Variants in FAM117B observed in about 807,000 individuals in gnomAD.
FAM117B encodes protein FAM117B.
Under a neutral mutation model 52.8 loss-of-function variants are expected in FAM117B, and 22 were observed. That is an observed-to-expected ratio of 0.42 (90% CI 0.30 to 0.59). The LOEUF (loss-of-function observed/expected upper bound fraction) is 0.59. FAM117B is among the 20% of genes least tolerant of loss of function. FAM117B has a pLI of 0.22. For synonymous variants in FAM117B, 309 were observed against 324.1 expected (o/e 0.95, Z 0.50); for missense variants, 678 against 802.6 (o/e 0.84, Z 1.88).
chr2:202,758,175 T>G (rs931291734), intron 6 of FAM117B, among the ~76,000 whole-genome samples: 2 of 152,226 alleles, frequency 1.3e-5, no homozygotes, highest in African/African-American at 4.8e-5. Flanking sequence ...GTGTGTTGAA[T>G]GTCCTAAAAT....
intron 2 of FAM117B, among the ~76,000 whole-genome samples, chr2:202,707,420 A>G (rs1690888048): frequency 6.6e-6 from 1 of 151,060 alleles, no homozygotes; most frequent in Non-Finnish European, 1.5e-5. Context: ...AAATAGTTTC[A>G]TGGCCAGGCA....
chr2:202,695,574 A>G (rs905620327), intron 1 of FAM117B, among the ~76,000 whole-genome samples: 4 of 152,222 alleles, frequency 2.6e-5, no homozygotes, highest in African/African-American at 4.8e-5. Flanking sequence ...GCCCAAGAGC[A>G]GTGATGCTGG....
chr2:202,673,486 C>T (rs545338713), intron 1 of FAM117B, among the ~76,000 whole-genome samples: 1 of 99,072 alleles, frequency 1.0e-5, no homozygotes, highest in South Asian at 3.5e-4. Flanking sequence ...CTTGCTCTGT[C>T]GTCCAGGCTG....
intron 4 of FAM117B, among the ~76,000 whole-genome samples, chr2:202,737,423 C>T (rs1691456569): frequency 6.6e-6 from 1 of 152,110 alleles, no homozygotes. Flanking sequence ...CCTTTGTATA[C>T]ATGCTTCCCC....
intron 2 of FAM117B, among the ~76,000 whole-genome samples, chr2:202,702,316 G>T (rs1372488260): frequency 6.6e-6 from 1 of 151,960 alleles, no homozygotes; most frequent in African/African-American, 2.4e-5. Flanking sequence ...GCTTGAACCC[G>T]GGAGGCAGAG....
intron 2 of FAM117B, among the ~76,000 whole-genome samples, chr2:202,715,202 C>T (rs1317991218): frequency 7.8e-5 from 11 of 141,552 alleles, no homozygotes; most frequent in East Asian, 2.2e-4. Flanking sequence ...GCTGGCCGGG[C>T]GGGGGCTGAC....
At chr2:202,642,041 C>T (rs1308544836) in intron 1 of FAM117B, among the ~76,000 whole-genome samples, 1 of 150,698 alleles carries the variant, frequency 6.6e-6, no homozygotes, top group Non-Finnish European at 1.5e-5. Flanking sequence ...CTCCCAGGTT[C>T]AAGCCATTCT....
intron 1 of FAM117B, among the ~76,000 whole-genome samples, chr2:202,691,011 C>G (rs2105774434): frequency 6.6e-6 from 1 of 152,254 alleles, no homozygotes. Context: ...AGCACTGGCT[C>G]ACAGGCCCTT....
chr2:202,647,696 G>C (rs1274078745), intron 1 of FAM117B, among the ~76,000 whole-genome samples: 1 of 152,166 alleles, frequency 6.6e-6, no homozygotes, highest in Non-Finnish European at 1.5e-5. Flanking sequence ...ATAGGATCAG[G>C]CTGCAGCAAA....
intron 4 of FAM117B, among the ~76,000 whole-genome samples, chr2:202,737,379 C>G (rs960212383): frequency 6.6e-6 from 1 of 152,132 alleles, no homozygotes; most frequent in African/African-American, 2.4e-5. Context: ...ACCACCACCA[C>G]TATAGTCAAG....
chr2:202,649,513 CTT>C (rs1391081877), intron 1 of FAM117B, among the ~76,000 whole-genome samples: 2 of 152,052 alleles, frequency 1.3e-5, no homozygotes, highest in African/African-American at 4.8e-5. Flanking sequence ...TTTTCTCTCT[CTT>C]ATAAACTTTG....
chr2:202,718,793 G>T (rs1047037959), intron 2 of FAM117B, among the ~76,000 whole-genome samples: 3 of 152,078 alleles, frequency 2.0e-5, no homozygotes, highest in Non-Finnish European at 4.4e-5. Flanking sequence ...CATTTGACTG[G>T]ATGACTCATA....
intron 4 of FAM117B, among the ~76,000 whole-genome samples, chr2:202,741,503 T>C (rs911381899): frequency 1.3e-5 from 2 of 148,948 alleles, no homozygotes; most frequent in Non-Finnish European, 3.0e-5. Flanking sequence ...TATATCTAGT[T>C]GGAAAACCTC....
chr2:202,638,286 C>G (rs1182939345), intron 1 of FAM117B, among the ~76,000 whole-genome samples: 1 of 152,152 alleles, frequency 6.6e-6, no homozygotes, highest in East Asian at 1.9e-4. Context: ...TATAAGTGGG[C>G]AGTAGAGGTG....
At chr2:202,728,476 G>T (rs1691290627) in intron 4 of FAM117B, among the ~76,000 whole-genome samples, 1 of 152,148 alleles carries the variant, frequency 6.6e-6, no homozygotes. Context: ...TTTTGAATTT[G>T]GAATGTTAAT....
chr2:202,718,300 G>A (rs1448607214), intron 2 of FAM117B, among the ~76,000 whole-genome samples: 2 of 152,158 alleles, frequency 1.3e-5, no homozygotes, highest in African/African-American at 4.8e-5. Flanking sequence ...TGGTACCTAA[G>A]GTGCTTTCAG....
chr2:202,697,695 G>A (rs938021955), intron 2 of FAM117B, among the ~76,000 whole-genome samples: 2 of 151,234 alleles, frequency 1.3e-5, no homozygotes, highest in Non-Finnish European at 2.9e-5. Flanking sequence ...GACTACAGGC[G>A]TGCACCACCA....
In FAM117B at chr2:202,726,349, A is replaced by G. The variant is rs763076755; in HGVS notation, c.946A>G (p.Ile316Val). Residue 316 changes from isoleucine to valine, a missense_variant, in exon 4 of 8, where the codon ATT becomes GTT. Physicochemically the swap from Ile to Val is conservative, Grantham distance 29 (BLOSUM62 3). This residue lies in a region of FAM117B where 583 missense variants were observed against 644.8 expected (regional missense o/e 0.90). Coordinates refer to ENST00000392238, the MANE Select transcript of FAM117B (RefSeq NM_173511.4). ...TCCATTTCATGGCAACCATGCAGCT[A>G]TTAACCAGTGTCAGGTAAGAGTACC... ...QSPFHGNHAA[I>V]NQCQAPVPKS... The G allele has an allele frequency of 2.5e-6, 4 of 1,612,506 alleles. No individual in the cohort carries two copies. Among genetic ancestry groups the G allele is most frequent in the South Asian group, 2.2e-5 (2 of 90,828 alleles).
chr2:202,745,406 T>C (rs1559114400), intron 4 of FAM117B, among the ~76,000 whole-genome samples: 1 of 152,066 alleles, frequency 6.6e-6, no homozygotes, highest in Non-Finnish European at 1.5e-5. Context: ...AAGGAGGATA[T>C]CTACCATCAT....
Sources: gnomAD v4.1 joint callset for allele counts (sites outside exome capture counted in the v4.1 genomes callset) on GRCh38, gnomAD v4.1.1 for gene constraint, gnomAD v4.1.1 regional missense constraint, MANE v1.5 for transcripts, NCBI Gene and HGNC (gene_info 2026-07-23, HGNC 2026-07-21) for gene names.